SYCP2: variants seen among roughly 807,000 people sequenced by gnomAD.
SYCP2 encodes the protein synaptonemal complex lateral element protein.
A neutral mutation model predicts 211.3 loss-of-function variants in SYCP2; 55 were observed. That is an observed-to-expected ratio of 0.26 (90% CI 0.21 to 0.33). SYCP2 has a LOEUF of 0.33. Among genes scored for constraint, SYCP2 ranks in the 10% least tolerant of loss-of-function variants. SYCP2 has a pLI of 1.00. For synonymous variants in SYCP2, 570 were observed against 555.2 expected (o/e 1.03, Z -0.37); for missense variants, 1,731 against 1,752.0 (o/e 0.99, Z 0.21).
At chr20:59,928,969 TAA>T (rs1455876473) in intron 2 of SYCP2, among the ~76,000 whole-genome samples, 1 of 152,054 alleles carries the variant, frequency 6.6e-6, no homozygotes, top group Non-Finnish European at 1.5e-5. Context: ...TCACTGTTTG[TAA>T]AAGAGAGGCA....
Position 59,922,427 on chromosome 20 carries a change from A to G in SYCP2, c.-14T>C, listed in dbSNP as rs770542530. On this transcript the variant is annotated 5_prime_UTR_variant, in exon 3 of 45. Transcript: ENST00000357552. Reference sequence around the variant, plus strand: ...TCTTATTGGCATTTTGACTTCATTTAAAAAAAAAAAAAAAGCAAGACAAAA... The same window carrying G: ...TCTTATTGGCATTTTGACTTCATTTGAAAAAAAAAAAAAAGCAAGACAAAA... 6.1e-6 allele frequency: 1 copy of G among 163,744 alleles called. No homozygotes were observed. The highest frequency in any genetic ancestry group is 3.0e-5 in the African/African-American group (1 of 33,506). 10.1% of individuals were successfully genotyped at this position (163,744 alleles called of 1,614,324 possible).
At chr20:59,910,721 T>C (rs191023578) in intron 14 of SYCP2, among the ~76,000 whole-genome samples, 69 of 151,706 alleles carry the variant, frequency 4.5e-4, no homozygotes, top group African/African-American at 1.5e-3. Flanking sequence ...GAAATTCTAT[T>C]AGGCTGGTGC....
intron 19 of SYCP2, among the ~76,000 whole-genome samples, chr20:59,896,132 G>A (rs1450957279): frequency 2.6e-5 from 4 of 152,084 alleles, no homozygotes; most frequent in Admixed American, 1.3e-4. Flanking sequence ...ACAGCTGGAA[G>A]TGGGGAGCTA....
At position 59,893,188 on chromosome 20, in the gene SYCP2, C is replaced by T; in HGVS notation, c.1747G>A (p.Asp583Asn). Residue 583 changes from aspartate to asparagine, a missense_variant, in exon 22 of 45, where the codon GAT becomes AAT. Transcript: ENST00000357552. ...GCTGCCTGTGAATCTGGTATAACAT[C>T]CTGGAGTTCACCTAAATAAAACAAA... is the stretch of plus-strand genomic sequence containing the variant. ...FPNQNFSELQ[D>N]VIPDSQAAEK... 6.3e-7 allele frequency: 1 copy of T among 1,599,700 alleles called. No individual in the cohort carries two copies. The highest frequency in any genetic ancestry group is 8.5e-7 in the Non-Finnish European group (1 of 1,172,062).
In SYCP2 at chr20:59,882,098, G is replaced by A. The variant is rs145908005; in HGVS notation, c.2597C>T (p.Pro866Leu). 2.9e-4 allele frequency: 473 copies of A among 1,612,162 alleles called. 3 individuals are homozygous for A. The highest frequency in any genetic ancestry group is 1.3e-3 in the Middle Eastern group (8 of 6,052). The change falls in exon 27 of 45, where the codon CCA (proline) becomes CTA (leucine). Residue 866 changes from proline (P) to leucine (L), a missense_variant. By Grantham distance (98) the Pro-to-Leu change is moderately conservative. Around this residue, in one of 3 missense-constraint regions of SYCP2, gnomAD observed 1,387 missense variants for 1,351.3 expected, o/e 1.03. Coordinates refer to ENST00000357552, the MANE Select transcript of SYCP2 (RefSeq NM_014258.4). Reference protein sequence around the residue: ...TTFVNVTSECPVNDVYNFNLN... With the variant: ...TTFVNVTSECLVNDVYNFNLN... ...AAATATTACAAAAAATACTTACACT[G>A]GGCATTCAGAAGTAACATTAACAAA... is the stretch of plus-strand genomic sequence containing the variant.
chr20:59,926,186 G>A (rs577880533), intron 2 of SYCP2, among the ~76,000 whole-genome samples: 13 of 152,158 alleles, frequency 8.5e-5, no homozygotes, highest in African/African-American at 2.6e-4. Flanking sequence ...TCTGTAACAA[G>A]AAGAAAAATG....
At chr20:59,874,152 G>C (rs1360153760) in intron 34 of SYCP2, 91 bp from the exon 35 acceptor site, 1 of 618,852 alleles carries the variant, frequency 1.6e-6, no homozygotes, top group African/African-American at 1.9e-5. Flanking sequence ...TAAATTCTAA[G>C]AATTTGTCAG....
intron 14 of SYCP2, among the ~76,000 whole-genome samples, chr20:59,909,537 A>AT (rs2060276554): frequency 6.6e-6 from 1 of 151,654 alleles, no homozygotes; most frequent in Non-Finnish European, 1.5e-5. Flanking sequence ...ACCAGGGGGG[A>AT]TCTTTTACAC....
chr20:59,895,373 C>T (rs2059987839), intron 20 of SYCP2, 64 bp downstream of exon 20: 3 of 1,391,008 alleles, frequency 2.2e-6, no homozygotes, highest in South Asian at 2.7e-5. Flanking sequence ...AAGGAGTTAG[C>T]TCAATACATA....
chr20:59,881,706 G>C (rs557137803), intron 28 of SYCP2, among the ~76,000 whole-genome samples: 3 of 147,116 alleles, frequency 2.0e-5, no homozygotes, highest in Non-Finnish European at 4.5e-5. Flanking sequence ...TTTCTTGGTA[G>C]TGAAGGCTTT....
At chr20:59,904,714 G>C (rs1203450068) in intron 15 of SYCP2, among the ~76,000 whole-genome samples, 1 of 152,094 alleles carries the variant, frequency 6.6e-6, no homozygotes, top group Non-Finnish European at 1.5e-5. Context: ...CTGCTATAAT[G>C]GAACACCTGA....
intron 14 of SYCP2, among the ~76,000 whole-genome samples, chr20:59,909,675 A>C (rs1321608028): frequency 6.6e-6 from 1 of 152,186 alleles, no homozygotes; most frequent in Admixed American, 6.5e-5. Context: ...GCAATCCCCT[A>C]TGCCCTCTGT....
At chr20:59,913,645 A>G (rs186671267) in intron 12 of SYCP2, among the ~76,000 whole-genome samples, 81 of 152,190 alleles carry the variant, frequency 5.3e-4, no homozygotes, top group African/African-American at 1.9e-3. Context: ...TATCCCTCAA[A>G]CATTAAATAA....
intron 7 of SYCP2, among the ~76,000 whole-genome samples, chr20:59,916,793 C>A (rs1314966728): frequency 1.3e-5 from 2 of 152,068 alleles, no homozygotes; most frequent in African/African-American, 4.8e-5. Flanking sequence ...TAGCCGGGCA[C>A]CTGTAATCCC....
Position 59,874,002 on chromosome 20 carries a change from T to C in SYCP2, c.3409A>G (p.Ile1137Val), listed in dbSNP as rs781466929. ...GATGAAGTTTTTGGATAAGGTGATA[T>C]AGATTTTGTTATGCAGTCATAATCC... ...TQDYDCITKS[I>V]SPYPKTSSLE... Residue 1137 changes from isoleucine to valine, a missense_variant, in exon 35 of 45, where the codon ATA becomes GTA. By Grantham distance (29) the Ile-to-Val change is conservative (BLOSUM62 3). Coordinates refer to ENST00000357552, the MANE Select transcript of SYCP2 (RefSeq NM_014258.4). 14 of 1,612,576 alleles carry C rather than the reference T, an allele frequency of 8.7e-6. 1 individual carries two copies. In the East Asian group the frequency reaches 8.9e-5, roughly 10 times the overall value.
intron 35 of SYCP2, among the ~76,000 whole-genome samples, chr20:59,871,349 G>A (rs1463845321): frequency 1.3e-5 from 2 of 151,170 alleles, no homozygotes; most frequent in East Asian, 1.9e-4. Flanking sequence ...GTAGAGAAAT[G>A]AGCACTATCT....
At chr20:59,886,278 C>T (rs1462143860) in intron 25 of SYCP2, among the ~76,000 whole-genome samples, 1 of 151,774 alleles carries the variant, frequency 6.6e-6, no homozygotes, top group Non-Finnish European at 1.5e-5. Flanking sequence ...ACCTAATAGA[C>T]TATAAATAGA....
Position 59,912,432 on chromosome 20 carries a change from T to C in SYCP2, c.831-14A>G, listed in dbSNP as rs748930452. On this transcript the variant is annotated splice_polypyrimidine_tract_variant and intron_variant, in intron 12 of 44. Transcript: ENST00000357552. ...AATGTAAAGACCCTGAAATAAAAAG[T>C]AGTTTAAGAAAAAAATAAATAAGCT... is the stretch of plus-strand genomic sequence containing the variant. 3.0e-6 allele frequency: 3 copies of C among 996,628 alleles called. 1 individual carries two copies. The highest frequency in any genetic ancestry group is 3.1e-5 in the South Asian group (2 of 64,578). The allele number at this position is 996,628 out of a possible 1,614,324, so 61.7% of individuals were successfully genotyped here.
At chr20:59,919,791 T>C (rs2060507473) in intron 5 of SYCP2, among the ~76,000 whole-genome samples, 194 bp from the exon 6 acceptor site, 1 of 151,730 alleles carries the variant, frequency 6.6e-6, no homozygotes, top group Admixed American at 6.6e-5. Flanking sequence ...TTGTTTAAAA[T>C]GGGAATAGAT....
Sources: allele counts gnomAD v4.1 joint callset (sites outside exome capture counted in the v4.1 genomes callset), GRCh38; gene constraint gnomAD v4.1.1; regional missense constraint gnomAD v4.1.1; transcripts MANE v1.5; gene names NCBI Gene and HGNC (gene_info 2026-07-23, HGNC 2026-07-21).